SV2C: variants seen among roughly 807,000 people sequenced by gnomAD.
SV2C encodes the protein synaptic vesicle glycoprotein 2C, also known as solute carrier family 22 member B3.
In SV2C, 49 loss-of-function variants were observed where a neutral mutation model predicts 79.7. The ratio of observed to expected loss-of-function variants is 0.61; its 90% confidence interval spans 0.49 to 0.78. The LOEUF (loss-of-function observed/expected upper bound fraction) is 0.78, where lower values mean the gene tolerates loss of function less well. Ranked by LOEUF, SV2C falls within the 30% of genes least tolerant of loss-of-function variation. The probability of loss-of-function intolerance (pLI) is 0.00; values close to 1 mark genes in which losing one functional copy is unlikely to be tolerated. For synonymous variants in SV2C, 334 were observed against 333.2 expected, an observed-to-expected ratio of 1.00 and a Z score of -0.03; for missense variants, 833 against 912.9, an observed-to-expected ratio of 0.91 and a Z score of 1.13.
At chr5:75,859,940 G>A in the SV2C span, among the ~76,000 whole-genome samples, 2 of 152,140 alleles carry the variant, frequency 1.3e-5, no homozygotes, top group African/African-American at 4.8e-5. Context: ...CAAAGAGCTT[G>A]TAAACCAATA....
At chr5:76,242,395 C>T in intron 4 of SV2C, 1 of 734,046 alleles carries the variant, frequency 1.4e-6, no homozygotes. Context: ...CTCTTCTTCA[C>T]ACTGCTCCGG....
chr5:76,034,889 C>T, the SV2C span, among the ~76,000 whole-genome samples: 50 of 152,166 alleles, frequency 3.3e-4, no homozygotes, highest in Non-Finnish European at 6.8e-4. Context: ...TGGACTGTTT[C>T]TGGTTGGTAA....
intron 8 of SV2C, among the ~76,000 whole-genome samples, chr5:76,294,375 C>T (rs867721079): frequency 6.8e-6 from 1 of 145,998 alleles, no homozygotes; most frequent in Non-Finnish European, 1.5e-5. Context: ...GATATCGGCT[C>T]GCTGCAACCT....
At chr5:76,074,353 A>T in the SV2C span, among the ~76,000 whole-genome samples, 1 of 152,144 alleles carries the variant, frequency 6.6e-6, no homozygotes, top group Non-Finnish European at 1.5e-5. Flanking sequence ...GACATGAGGA[A>T]CATCCCCCTT....
chr5:76,144,789 A>G (rs991076155), intron 2 of SV2C, among the ~76,000 whole-genome samples: 11 of 152,182 alleles, frequency 7.2e-5, no homozygotes, highest in African/African-American at 2.7e-4. Context: ...AAGCAGTTAC[A>G]GTTCTGGATT....
the SV2C span, among the ~76,000 whole-genome samples, chr5:75,851,917 C>G: frequency 0.019 from 2,894 of 152,302 alleles, 60 homozygotes; most frequent in Non-Finnish European, 0.031. Flanking sequence ...TCCTCCTTGG[C>G]CTCCCAGAGT....
At chr5:76,179,967 T>G (rs1430755257) in intron 2 of SV2C, among the ~76,000 whole-genome samples, 3 of 152,150 alleles carry the variant, frequency 2.0e-5, no homozygotes, top group Non-Finnish European at 2.9e-5. Context: ...TTACAGATAA[T>G]TTTTTAAGAG....
intron 4 of SV2C, among the ~76,000 whole-genome samples, chr5:76,261,882 A>G (rs1298058011): frequency 6.6e-6 from 1 of 152,218 alleles, no homozygotes; most frequent in Non-Finnish European, 1.5e-5. Flanking sequence ...GATGTTCATC[A>G]GGGATATTGG....
rs866466705 is a variant in SV2C at position 76,131,797 on chromosome 5, AG to A, written c.49del (p.Asp17ThrfsTer6). 6.2e-7 allele frequency: 1 copy of A among 1,613,912 alleles called. No homozygotes were observed. Among genetic ancestry groups the A allele is most frequent in the African/African-American group, 1.3e-5 (1 of 74,904 alleles). ...AGGACTTCACTGATGAAGGGTGCCA[AG>A]GACATTGCCAGAGAGGTGAAGAAAC... ...KDRTSLMKGA[K>X]DIAREVKKQT... On this transcript the variant is annotated frameshift_variant, in exon 2 of 13. Transcript: ENST00000502798. LOFTEE classifies it high-confidence loss of function.
Position 76,209,839 on chromosome 5 carries a change from G to A in SV2C, c.865G>A (p.Gly289Ser). ...LSWLCMFWMI[G>S]GIYASAMAWA... ...CTGGCTCTGCATGTTCTGGATGATC[G>A]GTGGCATCTACGCCTCTGCCATGGC... is the stretch of plus-strand genomic sequence containing the variant. Residue 289 changes from glycine to serine, a missense_variant, in exon 4 of 13, where the codon GGT becomes AGT. Coordinates refer to ENST00000502798, the MANE Select transcript of SV2C (RefSeq NM_014979.4). The A allele has an allele frequency of 2.5e-6, 4 of 1,614,182 alleles. No individual in the cohort carries two copies. The highest frequency in any genetic ancestry group is 1.1e-5 in the South Asian group (1 of 91,072).
the SV2C span, among the ~76,000 whole-genome samples, chr5:75,864,512 T>C: frequency 9.2e-5 from 14 of 152,172 alleles, no homozygotes; most frequent in Non-Finnish European, 1.3e-4. Context: ...GTTATACTCC[T>C]TTTTCCTGAC....
intron 3 of SV2C, among the ~76,000 whole-genome samples, chr5:76,196,408 G>A (rs1744273144): frequency 6.6e-6 from 1 of 152,190 alleles, no homozygotes; most frequent in Admixed American, 6.5e-5. Context: ...AAGGGGAGAG[G>A]AGGCTTTTTC....
the SV2C span, among the ~76,000 whole-genome samples, chr5:76,048,865 GA>G: frequency 2.1e-5 from 3 of 141,138 alleles, no homozygotes; most frequent in Non-Finnish European, 1.5e-5. Context: ...AAGGGGGTGA[GA>G]GAGAGAGAGA....
intron 4 of SV2C, among the ~76,000 whole-genome samples, chr5:76,268,977 G>A (rs1311161023): frequency 6.6e-6 from 1 of 152,346 alleles, no homozygotes; most frequent in East Asian, 1.9e-4. Context: ...TCACACCTCT[G>A]TTAGAAAACG....
intron 12 of SV2C, among the ~76,000 whole-genome samples, chr5:76,319,524 G>A (rs192052820): frequency 1.3e-5 from 2 of 152,308 alleles, no homozygotes; most frequent in East Asian, 1.9e-4. Flanking sequence ...CTTGAATGCC[G>A]ACACTAATTT....
the SV2C span, among the ~76,000 whole-genome samples, chr5:76,009,977 T>C: frequency 6.9e-6 from 1 of 143,900 alleles, no homozygotes; most frequent in Admixed American, 7.5e-5. Context: ...ATGTAAACTT[T>C]ACTTATCTAT....
chr5:76,170,350 C>G (rs1432421965), intron 2 of SV2C, among the ~76,000 whole-genome samples: 1 of 121,170 alleles, frequency 8.3e-6, no homozygotes, highest in Non-Finnish European at 1.7e-5. Context: ...TACTCGTCCA[C>G]CATTTAACAT....
the SV2C span, among the ~76,000 whole-genome samples, chr5:75,957,520 G>C: frequency 6.6e-6 from 1 of 152,100 alleles, no homozygotes. Context: ...CCCCTTGAAT[G>C]GATAGCAGTA....
rs78417496 is a variant in SV2C, at chr5:76,310,962, T to C, written c.2000+9417T>C. ...AAGTGGTCAAAGTATTAAGATGTCTTGATCTTCAAAAATGGTGTATGACAT... is the reference window on the plus strand; with the variant it reads ...AAGTGGTCAAAGTATTAAGATGTCTCGATCTTCAAAAATGGTGTATGACAT... On this transcript the variant is annotated intron_variant, in intron 12 of 12. Coordinates refer to ENST00000502798, the MANE Select transcript of SV2C (RefSeq NM_014979.4). Among the ~76,000 whole-genome samples the C allele has an allele frequency of 5.3e-3, 814 of 152,342 alleles. 4 individuals carry two copies. Among genetic ancestry groups the C allele is most frequent in the Middle Eastern group, 0.037 (11 of 294 alleles).
Sources: gnomAD v4.1 joint callset for allele counts (sites outside exome capture counted in the v4.1 genomes callset) on GRCh38, gnomAD v4.1.1 for gene constraint, MANE v1.5 for transcripts, NCBI Gene and HGNC (gene_info 2026-07-23, HGNC 2026-07-21) for gene names.